KSR2: variants seen among roughly 807,000 people sequenced by gnomAD.
The protein encoded by KSR2 is kinase suppressor of ras 2.
KSR2 carries 25 observed loss-of-function variants against 107.8 expected under a neutral mutation model. The observed-to-expected ratio is 0.23, with a 90% CI of 0.17 to 0.32. The LOEUF (loss-of-function observed/expected upper bound fraction) is 0.32. Among genes scored for constraint, KSR2 ranks in the 10% least tolerant of loss-of-function variants. The pLI, the probability that KSR2 is intolerant of heterozygous loss-of-function variation, is 1.00. For missense variants in KSR2, 887 were observed against 1,268.9 expected (o/e 0.70, Z 4.57); for synonymous variants, 480 against 507.0 (o/e 0.95, Z 0.71).
chr12:117,469,998 C>T (rs576732954), intron 18 of KSR2, among the ~76,000 whole-genome samples: 39 of 151,242 alleles, frequency 2.6e-4, no homozygotes, highest in South Asian at 1.5e-3. Context: ...CTCTTCCATC[C>T]TTCATCCATC....
At chr12:117,710,470 C>T (rs1886720869) in intron 4 of KSR2, among the ~76,000 whole-genome samples, 1 of 152,120 alleles carries the variant, frequency 6.6e-6, no homozygotes, top group African/African-American at 2.4e-5. Flanking sequence ...ACTCACACCT[C>T]CCTATACTGG....
intron 1 of KSR2, among the ~76,000 whole-genome samples, chr12:117,922,388 A>G (rs1895370854): frequency 6.6e-6 from 1 of 152,200 alleles, no homozygotes; most frequent in Admixed American, 6.5e-5. Context: ...CCTGTCAATC[A>G]ACTTTGGGGT....
rs1895444274 is a variant in KSR2 at position 117,924,493 on chromosome 12, A to G, written c.180+43583T>C. 1.4e-5 allele frequency among the ~76,000 whole-genome samples: 2 copies of G among 145,572 alleles called. 1 individual carries two copies. The highest frequency in any genetic ancestry group is 1.4e-4 in the Admixed American group (2 of 14,290). On this transcript the variant is annotated intron_variant, in intron 1 of 19. Coordinates refer to ENST00000339824, the MANE Select transcript of KSR2 (RefSeq NM_173598.6). ...AGGCTGAGGCAGGAGAATCACTTGA[A>G]CCCGGGAAGCAGAGGTTGCAGTGAG... is the stretch of plus-strand genomic sequence containing the variant.
chr12:117,927,899 G>A (rs974596554), intron 1 of KSR2, among the ~76,000 whole-genome samples: 7 of 151,872 alleles, frequency 4.6e-5, no homozygotes, highest in East Asian at 1.9e-4. Flanking sequence ...AAGCACATAC[G>A]CAGTGTTGTG....
In KSR2 at chr12:117,809,406, C is replaced by T. The variant is rs564409453; in HGVS notation, c.472+46022G>A. On this transcript the variant is annotated intron_variant, in intron 3 of 19. Coordinates refer to ENST00000339824, the MANE Select transcript of KSR2 (RefSeq NM_173598.6). ...AGAAAGGCGAAGTAGCACCCCCACC[C>T]CCTTCCCCATTTGTGACAAGCCAAC... 2.6e-5 allele frequency among the ~76,000 whole-genome samples: 4 copies of T among 152,300 alleles called. No individual in the cohort carries two copies. In the South Asian group the frequency reaches 8.3e-4, roughly 32 times the overall value.
intron 3 of KSR2, among the ~76,000 whole-genome samples, chr12:117,821,880 G>T (rs1022745783): frequency 1.3e-5 from 2 of 152,088 alleles, no homozygotes; most frequent in African/African-American, 4.8e-5. Context: ...ACAGAAGTTG[G>T]GTAAAATGAG....
chr12:117,529,382 A>G (rs1340920469), intron 12 of KSR2, among the ~76,000 whole-genome samples: 1 of 152,016 alleles, frequency 6.6e-6, no homozygotes, highest in East Asian at 1.9e-4. Context: ...CGCCTGACTA[A>G]TGTTTGTATT....
rs776251690 is a variant in KSR2 at position 117,539,705 on chromosome 12, A to G, written c.1687+14T>C. The G allele has an allele frequency of 2.5e-6, 4 of 1,594,810 alleles. No homozygotes were observed. The highest frequency in any genetic ancestry group is 1.7e-5 in the Admixed American group (1 of 57,668). ...AACGCTGCACCCCTCATGTCTCCCC[A>G]AGCATGGAGGTACCTGGCAGGTTGA... is the stretch of plus-strand genomic sequence containing the variant. On this transcript the variant is annotated intron_variant, in intron 10 of 19. Transcript: ENST00000339824.
intron 1 of KSR2, among the ~76,000 whole-genome samples, chr12:117,877,206 G>C (rs889622842): frequency 3.0e-4 from 45 of 152,188 alleles, no homozygotes; most frequent in African/African-American, 9.9e-4. Flanking sequence ...GCATGGTGGT[G>C]GGCGCCTGTA....
chr12:117,667,637 G>A lies in KSR2; in HGVS notation c.1008C>T (p.Pro336=). Residue 336 remains proline, a synonymous_variant, in exon 5 of 20, where the codon CCC becomes CCT. Transcript: ENST00000339824. ...CGCTGCTGTGGATCTTGAGGTTCAA[G>A]GGTTTGCTCTTCTTCTTGGCTCTGA... ...HTPKAKKKSK[P]LNLKIHSSVG... The A allele has an allele frequency of 6.3e-7, 1 of 1,592,086 alleles. No individual in the cohort carries two copies. The highest frequency in any genetic ancestry group is 8.5e-7 in the Non-Finnish European group (1 of 1,170,170).
chr12:117,943,632 T>C (rs895653455), intron 1 of KSR2, among the ~76,000 whole-genome samples: 10 of 151,992 alleles, frequency 6.6e-5, no homozygotes, highest in Non-Finnish European at 1.0e-4. Context: ...AATGGAATAT[T>C]ATTCAGTCAT....
chr12:117,611,285 T>G (rs543487042), intron 5 of KSR2, among the ~76,000 whole-genome samples: 2 of 152,258 alleles, frequency 1.3e-5, no homozygotes, highest in South Asian at 4.1e-4. Context: ...GAAGCTTGAT[T>G]GGTTCTAATT....
chr12:117,615,754 A>G (rs945910466), intron 5 of KSR2, among the ~76,000 whole-genome samples: 1 of 152,216 alleles, frequency 6.6e-6, no homozygotes, highest in African/African-American at 2.4e-5. Flanking sequence ...TATGAGGGAC[A>G]CTTATCCAAA....
intron 9 of KSR2, among the ~76,000 whole-genome samples, chr12:117,547,610 C>A (rs576363790): frequency 2.6e-5 from 4 of 152,092 alleles, no homozygotes; most frequent in Non-Finnish European, 5.9e-5. Context: ...GTAGGTAGGG[C>A]AACAGATTTT....
At chr12:117,943,494 C>T (rs1414301311) in intron 1 of KSR2, among the ~76,000 whole-genome samples, 1 of 107,838 alleles carries the variant, frequency 9.3e-6, no homozygotes, top group Non-Finnish European at 1.8e-5. Context: ...TCCTTATCCA[C>T]CTAGCCAAAA....
At chr12:117,694,622 A>G (rs1369994445) in intron 4 of KSR2, among the ~76,000 whole-genome samples, 2 of 152,204 alleles carry the variant, frequency 1.3e-5, no homozygotes, top group African/African-American at 4.8e-5. Context: ...AGCAGTTCAC[A>G]TGTTCACAGC....
intron 9 of KSR2, among the ~76,000 whole-genome samples, chr12:117,540,669 T>C (rs998344265): frequency 5.3e-5 from 8 of 151,918 alleles, no homozygotes; most frequent in African/African-American, 1.7e-4. Flanking sequence ...GACAGACATA[T>C]GGAGAGGAAA....
intron 4 of KSR2, among the ~76,000 whole-genome samples, chr12:117,697,084 T>G (rs1886095090): frequency 1.3e-5 from 2 of 152,174 alleles, no homozygotes; most frequent in Non-Finnish European, 2.9e-5. Flanking sequence ...TTGGGAAGCT[T>G]CTTTGAAAAG....
intron 3 of KSR2, among the ~76,000 whole-genome samples, chr12:117,777,254 A>C (rs1456860508): frequency 1.3e-5 from 2 of 151,254 alleles, no homozygotes; most frequent in Admixed American, 6.6e-5. Context: ...TAAACCAAGA[A>C]TATCTAACAC....
Sources: allele counts gnomAD v4.1 joint callset (sites outside exome capture counted in the v4.1 genomes callset), GRCh38; gene constraint gnomAD v4.1.1; transcripts MANE v1.5; gene names NCBI Gene and HGNC (gene_info 2026-07-23, HGNC 2026-07-21).